The following SPTBN4 variants were observed in gnomAD, a reference collection of about 807,000 sequenced individuals.
SPTBN4 encodes spectrin beta chain, non-erythrocytic 4.
A neutral mutation model predicts 277.8 loss-of-function variants in SPTBN4; 96 were observed. The ratio of observed to expected loss-of-function variants is 0.35; its 90% CI spans 0.29 to 0.41. SPTBN4 has a LOEUF of 0.41. Ranked by LOEUF, SPTBN4 falls within the 10% of genes least tolerant of loss-of-function variation. The pLI, the probability that SPTBN4 is intolerant of heterozygous loss-of-function variation, is 1.00. For synonymous variants in SPTBN4, 1,481 were observed against 1,580.3 expected (o/e 0.94, Z 1.49); for missense variants, 3,006 against 3,595.7 (o/e 0.84, Z 4.19).
At chr19:40,469,177 C>A (rs1433889038) in intron 1 of SPTBN4, among the ~76,000 whole-genome samples, 1 of 152,094 alleles carries the variant, frequency 6.6e-6, no homozygotes. Flanking sequence ...AAGACTTAGA[C>A]CCTGCCTTCC....
intron 12 of SPTBN4, among the ~76,000 whole-genome samples, 156 bp downstream of exon 12, chr19:40,504,288 G>A (rs1185394866): frequency 6.6e-6 from 1 of 152,020 alleles, no homozygotes; most frequent in Non-Finnish European, 1.5e-5. Flanking sequence ...GAGAACAAGA[G>A]AGAGAGGGAG....
At chr19:40,550,939 A>G (rs1158149675) in intron 22 of SPTBN4, among the ~76,000 whole-genome samples, 2 of 152,170 alleles carry the variant, frequency 1.3e-5, no homozygotes, top group South Asian at 2.1e-4. Context: ...TCCCACCTCA[A>G]TAATGTCAGC....
intron 15 of SPTBN4, among the ~76,000 whole-genome samples, chr19:40,516,542 G>A (rs936041728): frequency 6.6e-6 from 1 of 152,022 alleles, no homozygotes; most frequent in Non-Finnish European, 1.5e-5. Context: ...TCCTGGGCTC[G>A]GCTGGGCGTG....
chr19:40,543,575 G>A (rs746639336), intron 20 of SPTBN4, among the ~76,000 whole-genome samples: 1 of 151,968 alleles, frequency 6.6e-6, no homozygotes, highest in South Asian at 2.1e-4. Context: ...TGAGTTTGGG[G>A]TTTTGTTTTG....
intron 7 of SPTBN4, among the ~76,000 whole-genome samples, chr19:40,498,339 G>A (rs918067157): frequency 6.6e-6 from 1 of 151,638 alleles, no homozygotes; most frequent in African/African-American, 2.4e-5. Flanking sequence ...CACTGACCTG[G>A]TTAGAGAGAA....
At chr19:40,539,962 G>C (rs1366897265) in intron 20 of SPTBN4, among the ~76,000 whole-genome samples, 1 of 149,436 alleles carries the variant, frequency 6.7e-6, no homozygotes, top group Non-Finnish European at 1.5e-5. Flanking sequence ...TTTTGTTCTT[G>C]TCACCCAGGC....
At chr19:40,544,771 C>T (rs1245520198) in intron 20 of SPTBN4, among the ~76,000 whole-genome samples, 2 of 151,938 alleles carry the variant, frequency 1.3e-5, no homozygotes, top group Non-Finnish European at 2.9e-5. Flanking sequence ...TTAACAGTAA[C>T]ACTTGGCTAT....
chr19:40,467,698 C>T (rs1209421477), intron 1 of SPTBN4, among the ~76,000 whole-genome samples: 1 of 151,778 alleles, frequency 6.6e-6, no homozygotes, highest in East Asian at 1.9e-4. Context: ...TCCCTTCCTT[C>T]CCATTCAATC....
chr19:40,511,687 G>C (rs879361050), intron 13 of SPTBN4, among the ~76,000 whole-genome samples: 10 of 152,298 alleles, frequency 6.6e-5, no homozygotes, highest in Non-Finnish European at 1.5e-4. Flanking sequence ...AGGATTGCTT[G>C]AGGCCAGCCG....
chr19:40,478,565 A>C (rs530631481), intron 2 of SPTBN4, among the ~76,000 whole-genome samples: 2 of 152,100 alleles, frequency 1.3e-5, no homozygotes, highest in South Asian at 4.2e-4. Flanking sequence ...ATTTTTTTTG[A>C]GACAGAGTCT....
At chr19:40,552,194 G>A (rs1404633095) in intron 22 of SPTBN4, among the ~76,000 whole-genome samples, 2 of 151,998 alleles carry the variant, frequency 1.3e-5, no homozygotes, top group Non-Finnish European at 2.9e-5. Context: ...GGTGGCTCAC[G>A]CCTGTAATCC....
intron 20 of SPTBN4, among the ~76,000 whole-genome samples, chr19:40,546,224 T>TA (rs2080858225): frequency 1.3e-5 from 1 of 79,384 alleles, no homozygotes. Flanking sequence ...AAACTCCATC[T>TA]CAAAAAAAAA....
chr19:40,505,721 A>AGGAAGGAAGGAG, intron 12 of SPTBN4, among the ~76,000 whole-genome samples: 1 of 149,828 alleles, frequency 6.7e-6, no homozygotes, highest in Non-Finnish European at 1.5e-5. Flanking sequence ...GAAGGAAGGA[A>AGGAAGGAAGGAG]GGAAGGAAGG....
intron 1 of SPTBN4, among the ~76,000 whole-genome samples, chr19:40,471,335 T>C (rs1454979400): frequency 6.6e-6 from 1 of 152,178 alleles, no homozygotes. Context: ...TTTCCTCCTC[T>C]GTAAAATAGG....
At chr19:40,475,572 C>T (rs780212462) in intron 2 of SPTBN4, among the ~76,000 whole-genome samples, 1 of 152,088 alleles carries the variant, frequency 6.6e-6, no homozygotes, top group Non-Finnish European at 1.5e-5. Context: ...GAGATTCTCC[C>T]GCCTCGGGAG....
At chr19:40,572,578 G>A in intron 35 of SPTBN4, 198 bp downstream of exon 35, 2 of 616,294 alleles carry the variant, frequency 3.2e-6, no homozygotes, top group East Asian at 2.8e-5. Flanking sequence ...GCTTCAGGGA[G>A]GGCTGCCTGC....
chr19:40,473,096 GGGTGT>G (rs2079905167), intron 2 of SPTBN4, among the ~76,000 whole-genome samples: 1 of 151,882 alleles, frequency 6.6e-6, no homozygotes, highest in Non-Finnish European at 1.5e-5. Flanking sequence ...GCCCCGGCTG[GGGTGT>G]AGTGGTGAGA....
Position 40,472,738 on chromosome 19 carries a change from G to T in SPTBN4, c.117G>T (p.Ala39=). 6.2e-7 allele frequency: 1 copy of T among 1,606,776 alleles called. No homozygotes were observed. The highest frequency in any genetic ancestry group is 2.2e-5 in the East Asian group (1 of 44,690). The change falls in exon 2 of 36, where the codon GCG becomes GCT. Residue 39 remains alanine (A), a synonymous_variant. Coordinates refer to ENST00000598249, the MANE Select transcript of SPTBN4 (RefSeq NM_020971.3). ...DRGWEREQPA[A]STAAASLFEC... ...GCTGGGAGCGGGAGCAGCCGGCTGC[G>T]TCCACCGCAGCGGCCTCGCTCTTTG...
chr19:40,524,496 C>T, intron 17 of SPTBN4: 1 of 441,326 alleles, frequency 2.3e-6, no homozygotes, highest in South Asian at 1.6e-5. Flanking sequence ...GACACAGCAA[C>T]ATTCTGTCCC....
Sources: gnomAD v4.1 joint callset for allele counts (sites outside exome capture counted in the v4.1 genomes callset) on GRCh38, gnomAD v4.1.1 for gene constraint, MANE v1.5 for transcripts, NCBI Gene and HGNC (gene_info 2026-07-23, HGNC 2026-07-21) for gene names.